The following TMEM117 variants were observed in gnomAD, a reference collection of about 807,000 sequenced individuals.
The protein encoded by TMEM117 is transmembrane protein 117.
A neutral mutation model predicts 52.4 loss-of-function variants in TMEM117; 27 were observed. The ratio of observed to expected loss-of-function variants is 0.51; its 90% CI spans 0.38 to 0.71. The LOEUF (loss-of-function observed/expected upper bound fraction) is 0.71, where lower values mean the gene tolerates loss of function less well. TMEM117 is among the 30% of genes least tolerant of loss of function. The probability of loss-of-function intolerance (pLI) is 0.00; values close to 1 mark genes in which losing one functional copy is unlikely to be tolerated. For synonymous variants in TMEM117, 215 were observed against 206.3 expected, an observed-to-expected ratio of 1.04 and a Z score of -0.36; for missense variants, 556 against 630.5, an observed-to-expected ratio of 0.88 and a Z score of 1.26.
intron 2 of TMEM117, among the ~76,000 whole-genome samples, chr12:43,891,796 T>C (rs1456819236): frequency 1.3e-5 from 2 of 152,206 alleles, no homozygotes; most frequent in Non-Finnish European, 2.9e-5. Flanking sequence ...TCCTCTATTG[T>C]TTTAAAGTAG....
chr12:44,211,816 A>C (rs1480330464), intron 5 of TMEM117, among the ~76,000 whole-genome samples: 1 of 152,186 alleles, frequency 6.6e-6, no homozygotes, highest in South Asian at 2.1e-4. Context: ...TTTCTTCTTT[A>C]TGTAGTTTCG....
chr12:43,856,350 T>C (rs1170077262), intron 2 of TMEM117, among the ~76,000 whole-genome samples: 1 of 152,228 alleles, frequency 6.6e-6, no homozygotes, highest in Non-Finnish European at 1.5e-5. Context: ...GTGCTTGAAT[T>C]GTCAAGACCC....
chr12:43,933,263 G>C lies in TMEM117; in HGVS notation c.278-10947G>C, dbSNP rs545784569. Among the ~76,000 whole-genome samples the C allele has an allele frequency of 1.1e-4, 16 of 150,854 alleles. No individual in the cohort carries two copies. The East Asian group carries it at 2.9e-3, about 27-fold the overall frequency. On this transcript the variant is annotated intron_variant, in intron 2 of 7. Transcript: ENST00000266534. ...CGCCCAGGTTGGAGTGCAGTGGCAC[G>C]ATCTCGGCTCACTGCAGGCTCCGCC... is the stretch of plus-strand genomic sequence containing the variant.
At chr12:44,317,414 A>G (rs1045675859) in intron 6 of TMEM117, among the ~76,000 whole-genome samples, 13 of 150,400 alleles carry the variant, frequency 8.6e-5, no homozygotes, top group Non-Finnish European at 1.3e-4. Flanking sequence ...TGTTTTTGAG[A>G]CAAAGTTTCA....
intron 7 of TMEM117, among the ~76,000 whole-genome samples, chr12:44,385,346 T>C (rs1952074383): frequency 6.6e-6 from 1 of 152,192 alleles, no homozygotes; most frequent in Non-Finnish European, 1.5e-5. Context: ...TGTGCAAGTT[T>C]AGTGGTCAAA....
chr12:43,826,991 T>C, the TMEM117 span, among the ~76,000 whole-genome samples: 1 of 151,934 alleles, frequency 6.6e-6, no homozygotes, highest in South Asian at 2.1e-4. Context: ...TGTGTTTATA[T>C]TACTAAACAT....
At chr12:44,120,471 G>A (rs563900257) in intron 3 of TMEM117, among the ~76,000 whole-genome samples, 4 of 152,218 alleles carry the variant, frequency 2.6e-5, no homozygotes, top group Admixed American at 6.5e-5. Context: ...CCCATTTTAA[G>A]CTCTTCTAGC....
intron 3 of TMEM117, among the ~76,000 whole-genome samples, chr12:44,052,817 T>C (rs890496152): frequency 2.4e-4 from 37 of 152,164 alleles, no homozygotes; most frequent in Admixed American, 1.3e-4. Flanking sequence ...GACAGTCTCT[T>C]CCGCTTTAGA....
chr12:44,319,743 CT>C (rs1215885303), intron 6 of TMEM117, among the ~76,000 whole-genome samples: 1 of 152,158 alleles, frequency 6.6e-6, no homozygotes, highest in Non-Finnish European at 1.5e-5. Flanking sequence ...GCTGCATTCA[CT>C]TTGTCTTCTG....
chr12:44,261,359 C>T (rs1565648505), intron 5 of TMEM117, among the ~76,000 whole-genome samples: 1 of 152,128 alleles, frequency 6.6e-6, no homozygotes, highest in African/African-American at 2.4e-5. Flanking sequence ...AATGTTCTCA[C>T]GTGCTATCTG....
At chr12:43,950,389 A>G (rs915636036) in intron 3 of TMEM117, among the ~76,000 whole-genome samples, 5 of 151,834 alleles carry the variant, frequency 3.3e-5, no homozygotes, top group Non-Finnish European at 7.4e-5. Flanking sequence ...GAACAAAATG[A>G]CTTTAAACAA....
At chr12:44,167,208 T>C (rs1948979455) in intron 4 of TMEM117, among the ~76,000 whole-genome samples, 1 of 152,200 alleles carries the variant, frequency 6.6e-6, no homozygotes, top group African/African-American at 2.4e-5. Context: ...ATGGTTTTGC[T>C]GTCAAATCCT....
chr12:43,864,089 C>G (rs542807659), intron 2 of TMEM117, among the ~76,000 whole-genome samples: 3 of 152,180 alleles, frequency 2.0e-5, no homozygotes, highest in Non-Finnish European at 4.4e-5. Context: ...GGCCCACCAG[C>G]GCTGCGCTGG....
the TMEM117 span, among the ~76,000 whole-genome samples, chr12:43,803,318 C>T: frequency 6.6e-6 from 1 of 152,110 alleles, no homozygotes; most frequent in African/African-American, 2.4e-5. Context: ...AGTATCAGAA[C>T]TCCCAATTGT....
At chr12:44,340,917 A>G (rs1461288796) in intron 6 of TMEM117, among the ~76,000 whole-genome samples, 1 of 152,070 alleles carries the variant, frequency 6.6e-6, no homozygotes, top group Non-Finnish European at 1.5e-5. Flanking sequence ...CATTGCATCT[A>G]TTAAGTAACT....
chr12:44,226,997 A>T (rs139443803), intron 5 of TMEM117, among the ~76,000 whole-genome samples: 1 of 152,032 alleles, frequency 6.6e-6, no homozygotes, highest in Non-Finnish European at 1.5e-5. Flanking sequence ...TTTTTTTTAA[A>T]TAAGGAGTCA....
At chr12:44,281,640 C>T (rs1379487153) in intron 5 of TMEM117, among the ~76,000 whole-genome samples, 1 of 152,092 alleles carries the variant, frequency 6.6e-6, no homozygotes. Flanking sequence ...TTTAAAAGTA[C>T]TTTTAACAAC....
At chr12:44,345,121 G>T (rs1288177213) in intron 6 of TMEM117, among the ~76,000 whole-genome samples, 1 of 152,022 alleles carries the variant, frequency 6.6e-6, no homozygotes. Flanking sequence ...GCAGAGATTG[G>T]CCCAGAAGAG....
chr12:43,932,916 T>A (rs191745040), intron 2 of TMEM117, among the ~76,000 whole-genome samples: 137 of 152,260 alleles, frequency 9.0e-4, no homozygotes, highest in African/African-American at 3.0e-3. Flanking sequence ...GTCAGAGAGA[T>A]CTGAATGCAT....
Sources: allele counts gnomAD v4.1 joint callset (sites outside exome capture counted in the v4.1 genomes callset), GRCh38; gene constraint gnomAD v4.1.1; transcripts MANE v1.5; gene names NCBI Gene and HGNC (gene_info 2026-07-23, HGNC 2026-07-21).